Variants in EFCAB8 observed in about 807,000 individuals in gnomAD.
EFCAB8 encodes EF-hand calcium binding domain 8.
A neutral mutation model predicts 116.3 loss-of-function variants in EFCAB8; 100 were observed. That is an observed-to-expected ratio of 0.86 (90% CI 0.73 to 1.02). The LOEUF is 1.02. EFCAB8 is among the 50% of genes least tolerant of loss of function. EFCAB8 has a pLI of 0.00. For synonymous variants in EFCAB8, 558 were observed against 567.9 expected (o/e 0.98, Z 0.25); for missense variants, 1,320 against 1,416.9 (o/e 0.93, Z 1.10).
chr20:32,880,471 G>C (rs192615979), intron 5 of EFCAB8, among the ~76,000 whole-genome samples: 7 of 152,166 alleles, frequency 4.6e-5, no homozygotes, highest in South Asian at 4.1e-4. Context: ...GGGTTTCACT[G>C]TGTTGGCTGG....
intron 11 of EFCAB8, among the ~76,000 whole-genome samples, chr20:32,900,916 A>T (rs1986394274): frequency 6.6e-6 from 1 of 152,170 alleles, no homozygotes; most frequent in Non-Finnish European, 1.5e-5. Flanking sequence ...GTTGGCCAGG[A>T]TGGTCTCGAT....
chr20:32,918,639 C>G, intron 19 of EFCAB8, 65 bp downstream of exon 19: 1 of 1,445,018 alleles, frequency 6.9e-7, no homozygotes, highest in Non-Finnish European at 9.5e-7. Flanking sequence ...CACACACCGT[C>G]TGTGTGTGTG....
intron 23 of EFCAB8, among the ~76,000 whole-genome samples, chr20:32,948,822 A>AAAAACATTTAGCAAAATAG (rs1988707009): frequency 6.6e-6 from 1 of 152,176 alleles, no homozygotes; most frequent in African/African-American, 2.4e-5. Flanking sequence ...ATTTCTGATA[A>AAAAACATTTAGCAAAATAG]AAAACATTTA....
At position 32,859,048 on chromosome 20, in the gene EFCAB8, G is replaced by GGAT. The variant is rs1218205352; in HGVS notation, c.-11+43_-11+45dup. 6.4e-6 allele frequency: 3 copies of GGAT among 470,958 alleles called. No homozygotes were observed. In the Admixed American group the frequency reaches 7.0e-5, roughly 11 times the overall value. 29.2% of individuals were successfully genotyped at this position (470,958 alleles called of 1,614,324 possible). ...GGTGAAAGTTGCTCTCCAAAAGATT[G>GGAT]GATACCTCTGCTGAAGACCTCTGCC... On this transcript the variant is annotated intron_variant, in intron 1 of 26. Transcript: ENST00000400522.
chr20:32,939,195 CTTTCTTTCCTCTCTCT>C (rs1188203633), intron 22 of EFCAB8, among the ~76,000 whole-genome samples: 2 of 58,888 alleles, frequency 3.4e-5, no homozygotes, highest in East Asian at 3.5e-4. Flanking sequence ...TTCTTTCTTT[CTTTCTTTCCTCTCTCT>C]CTCTCTCTCT....
intron 21 of EFCAB8, among the ~76,000 whole-genome samples, chr20:32,930,878 C>T (rs1987882711): frequency 6.6e-6 from 1 of 152,210 alleles, no homozygotes; most frequent in Non-Finnish European, 1.5e-5. Context: ...ATCCCGAAGT[C>T]ATGTGGCTAA....
At position 32,911,600 on chromosome 20, in the gene EFCAB8, G is replaced by T; in HGVS notation, c.1678G>T (p.Glu560Ter). The T allele has an allele frequency of 1.3e-6, 2 of 1,551,498 alleles. No individual in the cohort carries two copies. The highest frequency in any genetic ancestry group is 1.7e-6 in the Non-Finnish European group (2 of 1,146,816). The change falls in exon 16 of 27, where the codon GAG becomes TAG. Residue 560 changes from glutamate (E) to a stop codon, truncating the protein, a stop_gained. Transcript: ENST00000400522. LOFTEE classifies it high-confidence loss of function. ...GGAGATGACCGCCATGGCCCTGGAT[G>T]AGTCAGAGCGGTGCCTGCTCACAGG... ...HVEMTAMALD[E>*]SERCLLTGLR...
rs992070038 is a variant in EFCAB8 at position 32,931,331 on chromosome 20, A to G, written c.2785A>G (p.Lys929Glu). The G allele has an allele frequency of 7.8e-6, 12 of 1,542,476 alleles. No homozygotes were observed. In the Admixed American group the frequency reaches 1.6e-4, roughly 21 times the overall value. Residue 929 changes from lysine (K) to glutamate (E), a missense_variant, in exon 22 of 27, where the codon AAA (lysine) becomes GAA (glutamate). By Grantham distance (56) the Lys-to-Glu change is moderately conservative. Coordinates refer to ENST00000400522, the MANE Select transcript of EFCAB8 (RefSeq NM_001143967.2). ...CCCACACTACATTCCCTTGGAGGAT[A>G]AAGAGGTAGGAGGATTACTGGAGAG... Reference protein sequence around the residue: ...NFPHYIPLEDKEVVAGHTISL... With the variant: ...NFPHYIPLEDEEVVAGHTISL...
intron 5 of EFCAB8, among the ~76,000 whole-genome samples, chr20:32,879,500 C>T (rs905240870): frequency 1.3e-5 from 2 of 152,114 alleles, no homozygotes; most frequent in African/African-American, 2.4e-5. Flanking sequence ...CCTCTCTAAG[C>T]GAAGACAGAG....
At position 32,912,877 on chromosome 20, in the gene EFCAB8, CATGT is replaced by C. The variant is rs765440854; in HGVS notation, c.1856+17_1856+20del. ...TCACTCATTTCCTGTGAGTAGAAAG[CATGT>C]ATGGTGAGTAGGTTCCAGTAGCTGC... On this transcript the variant is annotated intron_variant, in intron 17 of 26. Coordinates refer to ENST00000400522, the MANE Select transcript of EFCAB8 (RefSeq NM_001143967.2). 9.2e-5 allele frequency: 66 copies of C among 718,486 alleles called. No individual in the cohort carries two copies. In the African/African-American group the frequency reaches 1.0e-3, roughly 11 times the overall value. 44.5% of individuals were successfully genotyped at this position (718,486 alleles called of 1,614,324 possible).
chr20:32,934,697 A>C (rs1260005293), intron 22 of EFCAB8, among the ~76,000 whole-genome samples: 1 of 152,142 alleles, frequency 6.6e-6, no homozygotes, highest in Non-Finnish European at 1.5e-5. Flanking sequence ...ATAGTGAATA[A>C]GTCTCAAGAG....
chr20:32,871,316 C>T (rs1379098138), intron 3 of EFCAB8, among the ~76,000 whole-genome samples: 1 of 151,450 alleles, frequency 6.6e-6, no homozygotes, highest in Non-Finnish European at 1.5e-5. Context: ...CTGTGTAGCC[C>T]AGGGTGGAGT....
At chr20:32,865,093 G>GC (rs1314850017) in intron 2 of EFCAB8, among the ~76,000 whole-genome samples, 1 of 152,170 alleles carries the variant, frequency 6.6e-6, no homozygotes, top group Non-Finnish European at 1.5e-5. Flanking sequence ...GCAGCCGTGT[G>GC]CTTCCCCTCA....
intron 6 of EFCAB8, among the ~76,000 whole-genome samples, chr20:32,888,081 T>TTG (rs11473489): frequency 1.3e-5 from 2 of 151,892 alleles, no homozygotes; most frequent in Non-Finnish European, 2.9e-5. Flanking sequence ...TTTTTTTTTT[T>TTG]GAGACTGGGT....
chr20:32,917,483 C>G lies in EFCAB8; in HGVS notation c.2039C>G (p.Pro680Arg), dbSNP rs192899655. 12 of 1,551,926 alleles carry G rather than the reference C, an allele frequency of 7.7e-6. 1 individual carries two copies. The South Asian group carries it at 1.4e-4, about 18-fold the overall frequency. ...PIFNFNASRS[P>R]SPLQPKRVQD... ...TTCAACTTCAATGCCTCTAGGAGCC[C>G]CTCGCCCTTGCAGCCCAAGAGGGTA... is the stretch of plus-strand genomic sequence containing the variant. Residue 680 changes from proline to arginine, a missense_variant, in exon 18 of 27, where the codon CCC becomes CGC. Transcript: ENST00000400522.
intron 20 of EFCAB8, among the ~76,000 whole-genome samples, chr20:32,928,929 A>G (rs745925788): frequency 1.3e-5 from 2 of 151,124 alleles, no homozygotes; most frequent in Non-Finnish European, 2.9e-5. Context: ...CGTTTTCTGC[A>G]TCAATTAAGA....
intron 24 of EFCAB8, 36 bp from the exon 25 acceptor site, chr20:32,959,742 G>T (rs1406160907): frequency 9.2e-6 from 13 of 1,419,712 alleles, no homozygotes; most frequent in East Asian, 2.5e-5. Flanking sequence ...GCTTTGCAGT[G>T]GGGGGACATC....
chr20:32,871,756 C>T (rs13037833), intron 3 of EFCAB8, among the ~76,000 whole-genome samples: 62,286 of 152,062 alleles, frequency 0.41, 15,228 homozygotes, highest in Non-Finnish European at 0.55. Context: ...ACTGTCACTG[C>T]GTGCCTTGGA....
chr20:32,937,624 C>CT (rs56900670), intron 22 of EFCAB8, among the ~76,000 whole-genome samples: 38 of 151,054 alleles, frequency 2.5e-4, no homozygotes, highest in Admixed American at 4.0e-4. Flanking sequence ...AAAGATTTTT[C>CT]TTTTTTTTTG....
Sources: gnomAD v4.1 joint callset for allele counts (sites outside exome capture counted in the v4.1 genomes callset) on GRCh38, gnomAD v4.1.1 for gene constraint, MANE v1.5 for transcripts, NCBI Gene and HGNC (gene_info 2026-07-23, HGNC 2026-07-21) for gene names.